Variants in CACTIN observed in about 807,000 individuals in gnomAD.
The protein encoded by CACTIN is cactin, spliceosome C complex subunit, also known as splicing factor Cactin.
A neutral mutation model predicts 84.9 loss-of-function variants in CACTIN; 20 were observed. The observed-to-expected ratio is 0.24, with a 90% CI of 0.17 to 0.34. The LOEUF (loss-of-function observed/expected upper bound fraction) is 0.34. Ranked by LOEUF, CACTIN falls within the 10% of genes least tolerant of loss-of-function variation. The pLI, the probability that CACTIN is intolerant of heterozygous loss-of-function variation, is 1.00. For synonymous variants in CACTIN, 549 were observed against 467.9 expected, an observed-to-expected ratio of 1.17 and a Z score of -2.24; for missense variants, 897 against 1,117.2, an observed-to-expected ratio of 0.80 and a Z score of 2.81.
chr19:3,620,549 C>G (rs1025303937), intron 3 of CACTIN, 158 bp downstream of exon 3: 1 of 665,692 alleles, frequency 1.5e-6, no homozygotes, highest in African/African-American at 1.8e-5. Context: ...TGGAGGGAAA[C>G]AGTTTCCTGG....
intron 2 of CACTIN, among the ~76,000 whole-genome samples, chr19:3,621,209 G>T (rs1295303086): frequency 6.6e-6 from 1 of 152,232 alleles, no homozygotes; most frequent in Non-Finnish European, 1.5e-5. Context: ...CAGCAAGTCA[G>T]GGTCCCCCAC....
At chr19:3,614,712 C>G (rs964655087) in intron 6 of CACTIN, 123 bp from the exon 7 acceptor site, 9 of 744,602 alleles carry the variant, frequency 1.2e-5, no homozygotes, top group Non-Finnish European at 1.8e-5. Context: ...CACAGGGGTC[C>G]CATCCAGTCC....
chr19:3,612,866 A>G, intron 9 of CACTIN, 192 bp downstream of exon 9: 4 of 780,792 alleles, frequency 5.1e-6, no homozygotes. Flanking sequence ...GTGGGCCAGC[A>G]AGCCCAGGAT....
intron 2 of CACTIN, among the ~76,000 whole-genome samples, chr19:3,623,392 G>A (rs190974117): frequency 1.3e-5 from 2 of 151,782 alleles, no homozygotes; most frequent in East Asian, 3.9e-4. Flanking sequence ...AGCCGGGCGT[G>A]GTAGCGGGCG....
intron 6 of CACTIN, among the ~76,000 whole-genome samples, chr19:3,617,131 T>C (rs370857529): frequency 1.6e-5 from 1 of 61,002 alleles, no homozygotes; most frequent in African/African-American, 6.2e-5. Flanking sequence ...AAAAATAAAA[T>C]AGCTGGGTGT....
intron 7 of CACTIN, 24 bp downstream of exon 7, chr19:3,614,373 C>A: frequency 6.4e-7 from 1 of 1,555,494 alleles, no homozygotes; most frequent in East Asian, 2.4e-5. Flanking sequence ...GGCACCAACC[C>A]TGGTACCCGC....
chr19:3,614,672 T>G, intron 6 of CACTIN, 83 bp from the exon 7 acceptor site: 1 of 1,134,962 alleles, frequency 8.8e-7, no homozygotes, highest in Non-Finnish European at 1.3e-6. Flanking sequence ...TCCCCTGCCA[T>G]GGGGGGGTCC....
At chr19:3,620,046 A>G (rs1312606555) in intron 4 of CACTIN, 81 bp downstream of exon 4, 1 of 1,519,046 alleles carries the variant, frequency 6.6e-7, no homozygotes, top group Non-Finnish European at 9.0e-7. Flanking sequence ...AGGGTGGGAG[A>G]GCAGTGGCTT....
At chr19:3,621,888 G>A (rs143461546) in intron 2 of CACTIN, among the ~76,000 whole-genome samples, 4 of 152,266 alleles carry the variant, frequency 2.6e-5, no homozygotes, top group Non-Finnish European at 4.4e-5. Flanking sequence ...AGACGACATC[G>A]GGCAGAAGCC....
Position 3,620,282 on chromosome 19 carries a change from C to T in CACTIN, c.739-10G>A. 1 of 1,557,448 alleles carries T rather than the reference C, an allele frequency of 6.4e-7. No individual in the cohort carries two copies. The highest frequency in any genetic ancestry group is 2.4e-5 in the East Asian group (1 of 42,362). On this transcript the variant is annotated splice_polypyrimidine_tract_variant and intron_variant, in intron 3 of 9. Coordinates refer to ENST00000429344, the MANE Select transcript of CACTIN (RefSeq NM_001080543.2). The stretch of plus-strand genomic sequence containing the variant: ...GCCGCAGCTGCTTCACCTGCAGGCA[C>T]AGGAGGCTGAGGGCAGCGGGGACCG...
intron 6 of CACTIN, among the ~76,000 whole-genome samples, chr19:3,618,517 C>A (rs755153084): frequency 9.2e-5 from 14 of 152,250 alleles, no homozygotes; most frequent in Non-Finnish European, 1.6e-4. Context: ...GGCTGCACGG[C>A]CTTCAGGCCA....
Position 3,619,247 on chromosome 19 carries a change from G to A in CACTIN, c.885-5C>T. ...TCCCGGATGCGGATCTTGGAACTGT[G>A]GGGAGCAGGGGAAGGTGGCATCAGA... On this transcript the variant is annotated splice_region_variant and splice_polypyrimidine_tract_variant and intron_variant, in intron 4 of 9. Coordinates refer to ENST00000429344, the MANE Select transcript of CACTIN (RefSeq NM_001080543.2). 1 of 1,611,746 alleles carries A rather than the reference G, an allele frequency of 6.2e-7. No individual in the cohort carries two copies. The highest frequency in any genetic ancestry group is 8.5e-7 in the Non-Finnish European group (1 of 1,179,188).
Position 3,620,740 on chromosome 19 carries a change from C to G in CACTIN, c.705G>C (p.Arg235Ser). 6.2e-7 allele frequency: 1 copy of G among 1,613,426 alleles called. No individual in the cohort carries two copies. The highest frequency in any genetic ancestry group is 8.5e-7 in the Non-Finnish European group (1 of 1,179,832). Reference sequence around the variant, plus strand: ...GCTCCAGCCGGTTGTCCTCCTGGATCCTCTTGTTCCGCTCCTTCAGCTCCT... The same window carrying G: ...GCTCCAGCCGGTTGTCCTCCTGGATGCTCTTGTTCCGCTCCTTCAGCTCCT... ...EEKELKERNK[R>S]IQEDNRLELQ... is the part of the protein sequence containing the mutation. The change falls in exon 3 of 10, where the codon AGG becomes AGC. Residue 235 changes from arginine to serine, a missense_variant. This residue lies in a region of CACTIN where 304 missense variants were observed against 444.3 expected (regional missense o/e 0.68). Coordinates refer to ENST00000429344, the MANE Select transcript of CACTIN (RefSeq NM_001080543.2).
rs78259786 is a variant in CACTIN, at chr19:3,613,959, G to A, written c.1356-373C>T. ...AGAGGAGACATGTATTTACACAGCG[G>A]TGCCAAAAACACTCCAGAAATCTGT... On this transcript the variant is annotated intron_variant, in intron 7 of 9. Transcript: ENST00000429344. 2,143 of 412,574 alleles carry A rather than the reference G, an allele frequency of 5.2e-3. 37 individuals are homozygous for A. The highest frequency in any genetic ancestry group is 0.039 in the African/African-American group (1,979 of 50,264). 25.6% of individuals were successfully genotyped at this position (412,574 alleles called of 1,614,324 possible). A position where few individuals can be genotyped will look rare whatever the true frequency, so the allele number is the denominator to read the frequency against.
intron 6 of CACTIN, among the ~76,000 whole-genome samples, chr19:3,617,858 A>C (rs2033138182): frequency 6.6e-6 from 1 of 152,186 alleles, no homozygotes; most frequent in African/African-American, 2.4e-5. Flanking sequence ...CACGGAGGAG[A>C]CCACTGGAGG....
At chr19:3,617,568 C>G (rs946087787) in intron 6 of CACTIN, among the ~76,000 whole-genome samples, 1 of 152,062 alleles carries the variant, frequency 6.6e-6, no homozygotes, top group Non-Finnish European at 1.5e-5. Flanking sequence ...ACGCTGGAAA[C>G]GCCTCCCAGG....
chr19:3,610,761 C>T lies in CACTIN; in HGVS notation c.*1162G>A, dbSNP rs1235278193. 2 of 456,912 alleles carry T rather than the reference C, an allele frequency of 4.4e-6. No individual in the cohort carries two copies. Among genetic ancestry groups the T allele is most frequent in the African/African-American group, 2.0e-5 (1 of 50,062 alleles). The allele number at this position is 456,912 out of a possible 1,614,324, so 28.3% of individuals were successfully genotyped here. A position where few individuals can be genotyped will look rare whatever the true frequency, so the allele number is the denominator to read the frequency against. On this transcript the variant is annotated 3_prime_UTR_variant, in exon 10 of 10. Transcript: ENST00000429344. Reference sequence around the variant, plus strand: ...AGTCTTTTTAGAGAAACAAACGGAACTATTTCCAGATGAGGCGGGGTGTCT... The same window carrying T: ...AGTCTTTTTAGAGAAACAAACGGAATTATTTCCAGATGAGGCGGGGTGTCT...
chr19:3,623,566 C>CGT (rs979468822), intron 2 of CACTIN, 122 bp downstream of exon 2: 2 of 805,312 alleles, frequency 2.5e-6, no homozygotes, highest in Admixed American at 2.7e-5. Context: ...CTTGCTTATG[C>CGT]GTGTGTGTGT....
chr19:3,614,033 G>A, intron 7 of CACTIN: 1 of 474,648 alleles, frequency 2.1e-6, no homozygotes, highest in Non-Finnish European at 3.9e-6. Context: ...CGCAGGCCTG[G>A]GCGCAAGGCA....
Sources: allele counts gnomAD v4.1 joint callset (sites outside exome capture counted in the v4.1 genomes callset), GRCh38; gene constraint gnomAD v4.1.1; regional missense constraint gnomAD v4.1.1; transcripts MANE v1.5; gene names NCBI Gene and HGNC (gene_info 2026-07-23, HGNC 2026-07-21).